The following GPR158 variants were observed in gnomAD, a reference collection of about 807,000 sequenced individuals.
GPR158 encodes the protein metabotropic glycine receptor.
Under a neutral mutation model 78.2 loss-of-function variants are expected in GPR158, and 30 were observed. The ratio of observed to expected loss-of-function variants is 0.38; its 90% CI spans 0.29 to 0.52. The LOEUF (loss-of-function observed/expected upper bound fraction) is 0.52, where lower values mean the gene tolerates loss of function less well. GPR158 is among the 20% of genes least tolerant of loss of function. The probability of loss-of-function intolerance (pLI) is 0.83; values close to 1 mark genes in which losing one functional copy is unlikely to be tolerated. For missense variants in GPR158, 1,463 were observed against 1,523.5 expected (o/e 0.96, Z 0.66); for synonymous variants, 581 against 591.1 (o/e 0.98, Z 0.25).
chr10:25,468,514 G>A (rs552589721), intron 5 of GPR158, among the ~76,000 whole-genome samples: 7 of 152,248 alleles, frequency 4.6e-5, no homozygotes, highest in African/African-American at 9.6e-5. Flanking sequence ...GTATGTATGC[G>A]TAATATATAC....
rs190397233 is a variant in GPR158 at position 25,510,819 on chromosome 10, T to A, written c.1405-40157T>A. On this transcript the variant is annotated intron_variant, in intron 5 of 10. Transcript: ENST00000376351. ...AATGGTTGGTTTCCCATTACTGAGT[T>A]ACTTCACTTAGAATAATGGTCTCCA... Among the ~76,000 whole-genome samples, 813 of 152,334 alleles carry A rather than the reference T, an allele frequency of 5.3e-3. 1 individual carries two copies. The highest frequency in any genetic ancestry group is 0.014 in the Middle Eastern group (4 of 294).
chr10:25,192,825 G>C (rs913743358), intron 1 of GPR158, among the ~76,000 whole-genome samples: 8 of 151,654 alleles, frequency 5.3e-5, no homozygotes, highest in African/African-American at 1.9e-4. Flanking sequence ...AAAAAAAAGT[G>C]ATACACATTC....
chr10:25,254,114 T>A (rs1853856274), intron 2 of GPR158, among the ~76,000 whole-genome samples: 1 of 152,198 alleles, frequency 6.6e-6, no homozygotes, highest in Non-Finnish European at 1.5e-5. Context: ...ATGTTATCGG[T>A]TTTTAAGGTT....
chr10:25,194,207 A>G (rs1263247716), intron 1 of GPR158, among the ~76,000 whole-genome samples: 2 of 152,208 alleles, frequency 1.3e-5, no homozygotes, highest in Non-Finnish European at 2.9e-5. Context: ...GGCTGCTGAA[A>G]GAACTGCCAG....
intron 2 of GPR158, among the ~76,000 whole-genome samples, chr10:25,224,390 G>T (rs1853343868): frequency 6.6e-6 from 1 of 151,442 alleles, no homozygotes; most frequent in Non-Finnish European, 1.5e-5. Context: ...TTTAAATTTA[G>T]AGTGTATATA....
chr10:25,224,681 G>A (rs1301253254), intron 2 of GPR158, among the ~76,000 whole-genome samples: 1 of 151,996 alleles, frequency 6.6e-6, no homozygotes, highest in Non-Finnish European at 1.5e-5. Context: ...TATCTGTCAT[G>A]GTTGAAAAAG....
chr10:25,598,519 G>A lies in GPR158; in HGVS notation c.2893G>A (p.Glu965Lys), dbSNP rs765996703. 1 of 1,612,944 alleles carries A rather than the reference G, an allele frequency of 6.2e-7. No individual in the cohort carries two copies. Among genetic ancestry groups the A allele is most frequent in the Admixed American group, 1.7e-5 (1 of 59,932 alleles). ...DPAPQNSNPA[E>K]EPRKPQKSGI... ...TGCCCCCCAAAACTCAAATCCTGCG[G>A]AGGAGCCAAGAAAGCCTCAGAAATC... Residue 965 changes from glutamate to lysine, a missense_variant, in exon 11 of 11, where the codon GAG becomes AAG. Transcript: ENST00000376351.
rs566087550 is a variant in GPR158 at position 25,539,088 on chromosome 10, G to A, written c.1405-11888G>A. 1.2e-4 allele frequency among the ~76,000 whole-genome samples: 19 copies of A among 152,016 alleles called. No homozygotes were observed. The South Asian group carries it at 1.9e-3, about 15-fold the overall frequency. On this transcript the variant is annotated intron_variant, in intron 5 of 10. Coordinates refer to ENST00000376351, the MANE Select transcript of GPR158 (RefSeq NM_020752.3). ...ATCTTGCTGTGCTTTTCCTTGAGCC[G>A]CTAAATGTCACATTTATGAATGTAG...
At chr10:25,301,100 T>A (rs1854586925) in intron 2 of GPR158, among the ~76,000 whole-genome samples, 1 of 152,184 alleles carries the variant, frequency 6.6e-6, no homozygotes, top group South Asian at 2.1e-4. Context: ...CTATATATGG[T>A]TATACTTGCC....
At chr10:25,404,072 C>T (rs1231268723) in intron 3 of GPR158, among the ~76,000 whole-genome samples, 2 of 152,006 alleles carry the variant, frequency 1.3e-5, no homozygotes, top group African/African-American at 4.8e-5. Context: ...TGCATATGTT[C>T]TCTTTTCCTA....
intron 4 of GPR158, among the ~76,000 whole-genome samples, chr10:25,422,877 C>A (rs1834770661): frequency 6.8e-6 from 1 of 146,542 alleles, no homozygotes; most frequent in Non-Finnish European, 1.5e-5. Flanking sequence ...CCCCAAGTCC[C>A]CAAAGTTCAT....
At chr10:25,530,199 A>G (rs1836405585) in intron 5 of GPR158, among the ~76,000 whole-genome samples, 1 of 152,180 alleles carries the variant, frequency 6.6e-6, no homozygotes, top group Non-Finnish European at 1.5e-5. Context: ...ATAAGATAAT[A>G]CATGAGAAAA....
At chr10:25,534,197 A>G (rs911092166) in intron 5 of GPR158, among the ~76,000 whole-genome samples, 3 of 152,090 alleles carry the variant, frequency 2.0e-5, no homozygotes, top group African/African-American at 7.2e-5. Context: ...TGTCATTCTT[A>G]CTGAGATTCT....
At chr10:25,280,325 A>G (rs74599450) in intron 2 of GPR158, among the ~76,000 whole-genome samples, 5,419 of 152,344 alleles carry the variant, frequency 0.036, 298 homozygotes, top group East Asian at 0.25. Context: ...TGAGATACCT[A>G]TCTTATGTCA....
chr10:25,595,101 T>C (rs1218932929), intron 9 of GPR158, among the ~76,000 whole-genome samples: 3 of 152,172 alleles, frequency 2.0e-5, no homozygotes, highest in African/African-American at 7.2e-5. Flanking sequence ...ATAAACACAA[T>C]ATTAGAACAC....
rs529276321 is a variant in GPR158 at position 25,175,202 on chromosome 10, A to T, written c.-219A>T. 14 of 471,068 alleles carry T rather than the reference A, an allele frequency of 3.0e-5. No homozygotes were observed. The highest frequency in any genetic ancestry group is 2.3e-4 in the Admixed American group (6 of 25,560). 29.2% of individuals were successfully genotyped at this position (471,068 alleles called of 1,614,324 possible). On this transcript the variant is annotated 5_prime_UTR_variant, in exon 1 of 11. Coordinates refer to ENST00000376351, the MANE Select transcript of GPR158 (RefSeq NM_020752.3). The surrounding 1 kb of genome is among the most constrained non-coding windows in gnomAD (Gnocchi z 6.4). ...CCAGCCGGCCCCTCGCGCAGCGGGC[A>T]CGGCCAGCGCTGCCACAGGTGACTT...
chr10:25,286,450 A>C (rs1854351732), intron 2 of GPR158, among the ~76,000 whole-genome samples: 1 of 151,942 alleles, frequency 6.6e-6, no homozygotes, highest in South Asian at 2.1e-4. Flanking sequence ...TATAGTTTTT[A>C]TCTTTTTACT....
chr10:25,283,762 A>C (rs1854308839), intron 2 of GPR158, among the ~76,000 whole-genome samples: 1 of 151,968 alleles, frequency 6.6e-6, no homozygotes, highest in Non-Finnish European at 1.5e-5. Flanking sequence ...TTTTACTCAT[A>C]AGCACTACTT....
chr10:25,528,224 A>C (rs558758409), intron 5 of GPR158, among the ~76,000 whole-genome samples: 53 of 152,080 alleles, frequency 3.5e-4, no homozygotes, highest in African/African-American at 1.2e-3. Flanking sequence ...CTAAAACCTG[A>C]CCAAGATATA....
Sources: allele counts gnomAD v4.1 joint callset (sites outside exome capture counted in the v4.1 genomes callset), GRCh38; gene constraint gnomAD v4.1.1; non-coding constraint Gnocchi (gnomAD v3.1); transcripts MANE v1.5; gene names NCBI Gene and HGNC (gene_info 2026-07-23, HGNC 2026-07-21).